Variants in CCPG1 observed in about 807,000 individuals in gnomAD.
The protein encoded by CCPG1 is cell cycle progression 1.
CCPG1 carries 46 observed loss-of-function variants against 81.3 expected under a neutral mutation model. That is an observed-to-expected ratio of 0.57 (90% CI 0.45 to 0.72). The LOEUF is 0.72. CCPG1 is among the 30% of genes least tolerant of loss of function. The pLI is 0.00. For synonymous variants in CCPG1, 330 were observed against 305.2 expected (o/e 1.08, Z -0.85); for missense variants, 902 against 937.6 (o/e 0.96, Z 0.50).
intron 1 of CCPG1, among the ~76,000 whole-genome samples, chr15:55,406,016 C>T (rs1019100195): frequency 6.6e-6 from 1 of 152,182 alleles, no homozygotes; most frequent in African/African-American, 2.4e-5. Flanking sequence ...AGGCATCCGC[C>T]ACCATGCCCA....
At chr15:55,385,773 G>A in intron 2 of CCPG1, 59 bp from the exon 3 acceptor site, 1 of 857,748 alleles carries the variant, frequency 1.2e-6, no homozygotes, top group Non-Finnish European at 2.0e-6. Flanking sequence ...AGCTAGATTT[G>A]ACTACATGTA....
At position 55,372,051 on chromosome 15, in the gene CCPG1, A is replaced by G; in HGVS notation, c.455-7T>C. ...CTAGGCTGAGATGAAAATACTATTA[A>G]GAAAAAAGTTGACATTTAGCTATTC... On this transcript the variant is annotated splice_region_variant and splice_polypyrimidine_tract_variant and intron_variant, in intron 5 of 8. Coordinates refer to ENST00000442196, the MANE Select transcript of CCPG1 (RefSeq NM_001204450.2). 1 of 1,607,606 alleles carries G rather than the reference A, an allele frequency of 6.2e-7. No homozygotes were observed. Among genetic ancestry groups the G allele is most frequent in the Non-Finnish European group, 8.5e-7 (1 of 1,176,490 alleles).
chr15:55,373,416 T>C (rs2056495269), intron 5 of CCPG1, among the ~76,000 whole-genome samples: 2 of 152,188 alleles, frequency 1.3e-5, no homozygotes, highest in Non-Finnish European at 2.9e-5. Context: ...TGATTTAGGT[T>C]AGGCAATATT....
intron 1 of CCPG1, among the ~76,000 whole-genome samples, chr15:55,391,688 A>G (rs957351822): frequency 3.9e-5 from 6 of 152,100 alleles, no homozygotes; most frequent in Non-Finnish European, 8.8e-5. Flanking sequence ...GAGATACTAC[A>G]TTAAAATGAA....
intron 3 of CCPG1, 140 bp downstream of exon 3, chr15:55,385,460 C>T: frequency 1.9e-6 from 1 of 530,216 alleles, no homozygotes; most frequent in Non-Finnish European, 3.3e-6. Flanking sequence ...AGCTACTGTG[C>T]CCAACCTACA....
intron 6 of CCPG1, among the ~76,000 whole-genome samples, chr15:55,369,819 G>T (rs917659276): frequency 8.5e-5 from 13 of 152,052 alleles, no homozygotes; most frequent in African/African-American, 3.1e-4. Context: ...AATATTCAAA[G>T]GTCATGTAAA....
chr15:55,382,032 G>A (rs933399216), intron 3 of CCPG1, among the ~76,000 whole-genome samples: 20 of 152,136 alleles, frequency 1.3e-4, no homozygotes, highest in African/African-American at 4.6e-4. Context: ...ATACATTATT[G>A]CTAAAAAGTG....
chr15:55,362,793 G>A (rs1262648914), intron 7 of CCPG1, among the ~76,000 whole-genome samples: 3 of 152,128 alleles, frequency 2.0e-5, no homozygotes, highest in African/African-American at 7.2e-5. Flanking sequence ...TTTAATCCCA[G>A]TATTTTGAGG....
chr15:55,381,205 G>A (rs2056685568), intron 3 of CCPG1, among the ~76,000 whole-genome samples: 1 of 151,752 alleles, frequency 6.6e-6, no homozygotes, highest in South Asian at 2.1e-4. Flanking sequence ...GGAGGCCGAG[G>A]CAGACTGATC....
In CCPG1 at chr15:55,360,704, G is replaced by A; in HGVS notation, c.1069C>T (p.His357Tyr). The stretch of plus-strand genomic sequence containing the variant: ...TTTTTCTGCTTTTCCTCTTCCAAAT[G>A]CTGCTTAAGTTTCTGATTTTCTTTA... ...LVKENQKLKQ[H>Y]LEEEKQKKHS... Residue 357 changes from histidine to tyrosine, a missense_variant, in exon 8 of 9, where the codon CAT becomes TAT. Coordinates refer to ENST00000442196, the MANE Select transcript of CCPG1 (RefSeq NM_001204450.2). 1 of 1,612,596 alleles carries A rather than the reference G, an allele frequency of 6.2e-7. No homozygotes were observed. The highest frequency in any genetic ancestry group is 8.5e-7 in the Non-Finnish European group (1 of 1,179,680).
rs188398616 is a variant in CCPG1, at chr15:55,366,094, A to G, written c.707-785T>C. Among the ~76,000 whole-genome samples the G allele has an allele frequency of 2.0e-3, 305 of 152,292 alleles. 1 individual carries two copies. The highest frequency in any genetic ancestry group is 7.1e-3 in the African/African-American group (297 of 41,574). Reference sequence around the variant, plus strand: ...CCCAGGAACATTTAAGCAGTTCACTATCTTTTGTATTAAAACACACAGGCC... The same window carrying G: ...CCCAGGAACATTTAAGCAGTTCACTGTCTTTTGTATTAAAACACACAGGCC... On this transcript the variant is annotated intron_variant, in intron 6 of 8. Transcript: ENST00000442196.
At chr15:55,400,863 G>C (rs62018141) in intron 1 of CCPG1, among the ~76,000 whole-genome samples, 16 of 152,260 alleles carry the variant, frequency 1.1e-4, no homozygotes, top group African/African-American at 3.6e-4. Flanking sequence ...TGTCATTACT[G>C]ATTTGTAGTT....
At chr15:55,372,981 T>C (rs1407253165) in intron 5 of CCPG1, 1 of 534,782 alleles carries the variant, frequency 1.9e-6, no homozygotes, top group Non-Finnish European at 3.8e-6. Flanking sequence ...TAGAAGGTTA[T>C]TAATTTTACC....
chr15:55,396,049 G>A (rs940207419), intron 1 of CCPG1, among the ~76,000 whole-genome samples: 1 of 151,642 alleles, frequency 6.6e-6, no homozygotes, highest in African/African-American at 2.4e-5. Flanking sequence ...AGCTACTCAG[G>A]AGCCTGAGTC....
At chr15:55,365,404 T>C (rs2056301442) in intron 6 of CCPG1, 95 bp from the exon 7 acceptor site, 4 of 767,172 alleles carry the variant, frequency 5.2e-6, no homozygotes, top group Admixed American at 2.9e-5. Context: ...ATATAAGCTA[T>C]GTAGTCTTTT....
At position 55,356,331 on chromosome 15, in the gene CCPG1, T is replaced by G; in HGVS notation, c.2313A>C (p.Pro771=). Residue 771 remains proline (P), a synonymous_variant, in exon 9 of 9, where the codon CCA becomes CCC. Coordinates refer to ENST00000442196, the MANE Select transcript of CCPG1 (RefSeq NM_001204450.2). ...ATTTACCTTCCCTTTTATAAGGCTG[T>G]GGCTGAAGGTGCTTCTGCTCTTGTT... is the stretch of plus-strand genomic sequence containing the variant. ...HRKQEQKHLQ[P]QPYKREGKWH... The G allele has an allele frequency of 6.5e-7, 1 of 1,535,764 alleles. No homozygotes were observed. Among genetic ancestry groups the G allele is most frequent in the Non-Finnish European group, 8.7e-7 (1 of 1,146,814 alleles).
chr15:55,396,847 T>C (rs552266262), intron 1 of CCPG1, among the ~76,000 whole-genome samples: 2 of 152,266 alleles, frequency 1.3e-5, no homozygotes, highest in Admixed American at 6.5e-5. Context: ...ATCAGAGCTC[T>C]ACCTCTGAGA....
intron 3 of CCPG1, among the ~76,000 whole-genome samples, chr15:55,381,249 C>T (rs1436925268): frequency 6.6e-6 from 1 of 150,972 alleles, no homozygotes; most frequent in Non-Finnish European, 1.5e-5. Context: ...GAGTGGCCAA[C>T]ATGGTGAAAC....
chr15:55,358,917 T>C (rs2056135426), intron 8 of CCPG1: 2 of 959,236 alleles, frequency 2.1e-6, no homozygotes, highest in South Asian at 9.6e-5. Context: ...ATTTGAAGAT[T>C]AGGTAAGTTT....
Sources: allele counts gnomAD v4.1 joint callset (sites outside exome capture counted in the v4.1 genomes callset), GRCh38; gene constraint gnomAD v4.1.1; transcripts MANE v1.5; gene names NCBI Gene and HGNC (gene_info 2026-07-23, HGNC 2026-07-21).